Variants in EPG5 observed in about 807,000 individuals in gnomAD.
EPG5 encodes ectopic P granules protein 5 homolog.
Under a neutral mutation model 302.7 loss-of-function variants are expected in EPG5, and 159 were observed. The observed-to-expected ratio is 0.53, with a 90% confidence interval of 0.46 to 0.60. The LOEUF (loss-of-function observed/expected upper bound fraction) is 0.60, where lower values mean the gene tolerates loss of function less well. Among genes scored for constraint, EPG5 ranks in the 20% least tolerant of loss-of-function variants. The pLI is 0.00. For synonymous variants in EPG5, 1,158 were observed against 1,136.8 expected (o/e 1.02, Z -0.37); for missense variants, 2,896 against 3,092.4 (o/e 0.94, Z 1.51).
At chr18:45,896,485 TC>T (rs950041365) in intron 27 of EPG5, among the ~76,000 whole-genome samples, 1 of 152,188 alleles carries the variant, frequency 6.6e-6, no homozygotes, top group African/African-American at 2.4e-5. Context: ...TCTCCTTTTT[TC>T]CCTCTCTCCT....
chr18:45,866,597 A>G (rs2048752926), intron 38 of EPG5, among the ~76,000 whole-genome samples: 1 of 152,186 alleles, frequency 6.6e-6, no homozygotes, highest in African/African-American at 2.4e-5. Context: ...TCGACATGTG[A>G]CATTGCTAGT....
intron 27 of EPG5, among the ~76,000 whole-genome samples, chr18:45,896,144 C>T (rs776713102): frequency 4.6e-5 from 7 of 152,216 alleles, no homozygotes; most frequent in East Asian, 1.9e-4. Flanking sequence ...CAACTAGCAA[C>T]AACAGTACTA....
At chr18:45,881,543 C>T (rs1306023074) in intron 31 of EPG5, among the ~76,000 whole-genome samples, 1 of 152,102 alleles carries the variant, frequency 6.6e-6, no homozygotes, top group Non-Finnish European at 1.5e-5. Flanking sequence ...TGGTATAAAG[C>T]AAAATTTCAT....
At chr18:45,835,813 C>A in the EPG5 span, among the ~76,000 whole-genome samples, 1 of 152,166 alleles carries the variant, frequency 6.6e-6, no homozygotes, top group East Asian at 1.9e-4. Flanking sequence ...ACACCTAGAG[C>A]ACACACCTGG....
At chr18:45,925,982 T>A in intron 13 of EPG5, 80 bp from the exon 14 acceptor site, 1 of 940,742 alleles carries the variant, frequency 1.1e-6, no homozygotes, top group Non-Finnish European at 1.4e-6. Context: ...ATTATTAAAC[T>A]GCTTGTAAAA....
At position 45,879,100 on chromosome 18, in the gene EPG5, T is replaced by G; in HGVS notation, c.5782A>C (p.Lys1928Gln). The change falls in exon 33 of 44, where the codon AAG becomes CAG. Residue 1928 changes from lysine to glutamine, a missense_variant. Coordinates refer to ENST00000282041, the MANE Select transcript of EPG5 (RefSeq NM_020964.3). ...TTCACAAGGTAGCCCAAGAATGTCTTCACATCAGCCATATAAGGACTCCAT... is the reference window on the plus strand; with the variant it reads ...TTCACAAGGTAGCCCAAGAATGTCTGCACATCAGCCATATAAGGACTCCAT... Reference protein sequence around the residue: ...SKWSPYMADVKTFLGYLVKRL... With the variant: ...SKWSPYMADVQTFLGYLVKRL... 1 of 1,614,154 alleles carries G rather than the reference T, an allele frequency of 6.2e-7. No individual in the cohort carries two copies. The highest frequency in any genetic ancestry group is 8.5e-7 in the Non-Finnish European group (1 of 1,180,012).
intron 25 of EPG5, among the ~76,000 whole-genome samples, chr18:45,903,462 C>T (rs138294343): frequency 6.6e-6 from 1 of 152,158 alleles, no homozygotes; most frequent in Non-Finnish European, 1.5e-5. Context: ...CTCTGAATCA[C>T]CTCAGTGTCT....
chr18:45,897,942 AC>A lies in EPG5; in HGVS notation c.4809+1461del, dbSNP rs536934140. On this transcript the variant is annotated intron_variant, in intron 27 of 43. Coordinates refer to ENST00000282041, the MANE Select transcript of EPG5 (RefSeq NM_020964.3). ...AATTTTCTCCAATTTCCAAAAGCTA[AC>A]AAAAAAGAATCATTTGTGTGTAGAC... Among the ~76,000 whole-genome samples the A allele has an allele frequency of 9.2e-5, 14 of 152,364 alleles. No individual in the cohort carries two copies. In the South Asian group the frequency reaches 1.4e-3, roughly 16 times the overall value.
At chr18:45,839,007 G>A in the EPG5 span, 3 of 1,592,932 alleles carry the variant, frequency 1.9e-6, no homozygotes, top group South Asian at 1.1e-5. Context: ...GCGGGGCCTC[G>A]ACGGTCGCCC....
intron 9 of EPG5, among the ~76,000 whole-genome samples, chr18:45,941,569 G>C (rs2050668758): frequency 6.6e-6 from 1 of 151,896 alleles, no homozygotes; most frequent in Non-Finnish European, 1.5e-5. Flanking sequence ...GAAAAACAAA[G>C]AAAGAATAAT....
In EPG5 at chr18:45,910,695, G is replaced by A. The variant is rs1378417806; in HGVS notation, c.4031C>T (p.Ala1344Val). The part of the protein sequence containing the change: ...CIGRRFFQSP[A>V]HINLLKEMKR... ...CATTTCTTTCAACAAATTGATATGA[G>A]CAGGACTTTGAAAAAACCTTCTTCC... Residue 1344 changes from alanine to valine, a missense_variant, in exon 23 of 44, where the codon GCT (alanine) becomes GTT (valine). Transcript: ENST00000282041. 2 of 1,614,032 alleles carry A rather than the reference G, an allele frequency of 1.2e-6. No homozygotes were observed. Among genetic ancestry groups the A allele is most frequent in the African/African-American group, 1.3e-5 (1 of 74,922 alleles).
the EPG5 span, among the ~76,000 whole-genome samples, chr18:45,817,778 G>A: frequency 2.0e-5 from 3 of 152,162 alleles, no homozygotes; most frequent in East Asian, 3.8e-4. Flanking sequence ...CCACATTGAC[G>A]TTTATGATAT....
At chr18:45,813,794 T>C in the EPG5 span, among the ~76,000 whole-genome samples, 1 of 151,742 alleles carries the variant, frequency 6.6e-6, no homozygotes, top group Non-Finnish European at 1.5e-5. Context: ...GGGATAGCAT[T>C]AGGAGATATA....
intron 28 of EPG5, among the ~76,000 whole-genome samples, 179 bp downstream of exon 28, chr18:45,889,619 A>G (rs1304331753): frequency 1.3e-5 from 2 of 152,214 alleles, no homozygotes; most frequent in African/African-American, 4.8e-5. Flanking sequence ...GTGTTGCAAT[A>G]AAACTTTATT....
chr18:45,903,744 G>T (rs2049679401), intron 25 of EPG5, among the ~76,000 whole-genome samples: 1 of 152,120 alleles, frequency 6.6e-6, no homozygotes, highest in African/African-American at 2.4e-5. Context: ...AGGTACAAAG[G>T]AAAAGAGTTT....
intron 39 of EPG5, among the ~76,000 whole-genome samples, chr18:45,863,184 C>T (rs1368200878): frequency 3.3e-5 from 5 of 152,168 alleles, no homozygotes; most frequent in Non-Finnish European, 1.5e-5. Context: ...TATCCTTAGG[C>T]TTTTGATGTA....
At chr18:45,857,716 T>C in intron 42 of EPG5, 137 bp downstream of exon 42, 4 of 602,710 alleles carry the variant, frequency 6.6e-6, no homozygotes, top group African/African-American at 1.9e-5. Flanking sequence ...TTTTTTTTCT[T>C]TTTTTTTTTC....
intron 20 of EPG5, among the ~76,000 whole-genome samples, chr18:45,914,638 G>C (rs193066139): frequency 3.3e-5 from 5 of 152,370 alleles, no homozygotes; most frequent in African/African-American, 1.2e-4. Flanking sequence ...ACTGAGGACA[G>C]ATAGGTAGGC....
intron 1 of EPG5, among the ~76,000 whole-genome samples, chr18:45,966,442 A>ATGTATATATGTGTACATATGTATATATG (rs1332273620): frequency 0.03 from 4,577 of 151,424 alleles, 200 homozygotes; most frequent in African/African-American, 0.1. Context: ...GTACGTATAT[A>ATGTATATATGTGTACATATGTATATATG]TGTATATATG....
Sources: allele counts gnomAD v4.1 joint callset (sites outside exome capture counted in the v4.1 genomes callset), GRCh38; gene constraint gnomAD v4.1.1; transcripts MANE v1.5; gene names NCBI Gene and HGNC (gene_info 2026-07-23, HGNC 2026-07-21).